Variants in XPO1 observed in about 807,000 individuals in gnomAD.
The protein encoded by XPO1 is exportin 1, also known as exportin-1.
XPO1 carries 5 observed loss-of-function variants against 133.3 expected under a neutral mutation model. The observed-to-expected ratio is 0.04, with a 90% CI of 0.02 to 0.08. The LOEUF is 0.08. Among genes scored for constraint, XPO1 ranks in the 10% least tolerant of loss-of-function variants. The probability of loss-of-function intolerance (pLI) is 1.00; values close to 1 mark genes in which losing one functional copy is unlikely to be tolerated. For missense variants in XPO1, 506 were observed against 1,267.5 expected (o/e 0.40, Z 9.12); for synonymous variants, 419 against 408.2 (o/e 1.03, Z -0.32).
chr2:61,537,210 T>G (rs1052317154), intron 1 of XPO1: 4 of 151,860 alleles, frequency 2.6e-5, no homozygotes, highest in Non-Finnish European at 5.9e-5. Context: ...GAGATGTTCC[T>G]GAAATCACCC....
chr2:61,523,376 T>C (rs1698779770), intron 3 of XPO1, among the ~76,000 whole-genome samples: 1 of 152,212 alleles, frequency 6.6e-6, no homozygotes, highest in African/African-American at 2.4e-5. Context: ...TAACTAAAAG[T>C]ATAAAAAATT....
At chr2:61,513,564 A>T (rs112146836) in intron 4 of XPO1, among the ~76,000 whole-genome samples, 2 of 150,322 alleles carry the variant, frequency 1.3e-5, no homozygotes, top group African/African-American at 4.9e-5. Flanking sequence ...ACCTCAAGAG[A>T]TCTGCCTGCC....
chr2:61,508,081 A>C (rs1697914766), intron 4 of XPO1, among the ~76,000 whole-genome samples: 1 of 151,838 alleles, frequency 6.6e-6, no homozygotes, highest in Non-Finnish European at 1.5e-5. Flanking sequence ...TTGGTAGGTC[A>C]GGTTGGGCAT....
intron 23 of XPO1, among the ~76,000 whole-genome samples, chr2:61,482,053 T>TTTTTTTTTTTTC (rs1696397504): frequency 7.1e-6 from 1 of 139,882 alleles, no homozygotes; most frequent in Non-Finnish European, 1.6e-5. Context: ...TTTTTTTTTT[T>TTTTTTTTTTTTC]TTTTGCTTTT....
At chr2:61,503,546 T>C (rs1300440467) in intron 4 of XPO1, among the ~76,000 whole-genome samples, 5 of 152,120 alleles carry the variant, frequency 3.3e-5, no homozygotes, top group African/African-American at 1.2e-4. Flanking sequence ...TGCCTCAGCC[T>C]CCCAAGTAGC....
chr2:61,509,004 T>C (rs1020600969), intron 4 of XPO1, among the ~76,000 whole-genome samples: 2 of 152,130 alleles, frequency 1.3e-5, no homozygotes, highest in East Asian at 3.9e-4. Flanking sequence ...ATCTGCAAGA[T>C]TGACTGACTG....
chr2:61,519,125 AT>A (rs1698558617), intron 4 of XPO1, among the ~76,000 whole-genome samples: 1 of 151,830 alleles, frequency 6.6e-6, no homozygotes, highest in Admixed American at 6.6e-5. Context: ...TAATTTTTGT[AT>A]TTTTAGTAGA....
At chr2:61,532,732 C>T (rs1699211567) in intron 2 of XPO1, among the ~76,000 whole-genome samples, 1 of 150,916 alleles carries the variant, frequency 6.6e-6, no homozygotes, top group Admixed American at 6.6e-5. Flanking sequence ...ACTCGGGAGG[C>T]TAAGGCAGGT....
Position 61,478,539 on chromosome 2 carries a change from C to T in XPO1, c.*281G>A, listed in dbSNP as rs1423457612. 6 of 351,606 alleles carry T rather than the reference C, an allele frequency of 1.7e-5. No homozygotes were observed. Among genetic ancestry groups the T allele is most frequent in the Non-Finnish European group, 3.1e-5 (6 of 196,344 alleles). The allele number at this position is 351,606 out of a possible 1,614,324, so 21.8% of individuals were successfully genotyped here. A position where few individuals can be genotyped will look rare whatever the true frequency, so the allele number is the denominator to read the frequency against. ...GTATATGTTCAAATCGAATTTGCCT[C>T]CTCCCCCCAGCCCAGCCACAAAAAT... On this transcript the variant is annotated 3_prime_UTR_variant, in exon 25 of 25. Transcript: ENST00000401558.
chr2:61,507,599 C>T (rs1265291393), intron 4 of XPO1, among the ~76,000 whole-genome samples: 1 of 151,888 alleles, frequency 6.6e-6, no homozygotes, highest in Non-Finnish European at 1.5e-5. Context: ...ACAAGGCAGC[C>T]GGGCACAGTG....
At chr2:61,516,036 G>A (rs1698370795) in intron 4 of XPO1, among the ~76,000 whole-genome samples, 1 of 150,384 alleles carries the variant, frequency 6.6e-6, no homozygotes, top group Non-Finnish European at 1.5e-5. Context: ...TGAGGCAGAA[G>A]AATGGTGTGA....
At chr2:61,480,888 G>T (rs1447367831) in intron 24 of XPO1, among the ~76,000 whole-genome samples, 1 of 151,866 alleles carries the variant, frequency 6.6e-6, no homozygotes, top group African/African-American at 2.4e-5. Context: ...ATTATAAAAA[G>T]AACTACCAAC....
chr2:61,529,462 C>T (rs1294848083), intron 2 of XPO1, among the ~76,000 whole-genome samples: 1 of 152,232 alleles, frequency 6.6e-6, no homozygotes, highest in East Asian at 1.9e-4. Context: ...TCAAGACCAG[C>T]CTGGCCAACA....
rs549550178 is a variant in XPO1 at position 61,497,097 on chromosome 2, C to G, written c.760-90G>C. 14 of 1,472,298 alleles carry G rather than the reference C, an allele frequency of 9.5e-6. No individual in the cohort carries two copies. The South Asian group carries it at 2.0e-4, about 21-fold the overall frequency. The allele number at this position is 1,472,298 out of a possible 1,614,324, so 91.2% of individuals were successfully genotyped here. A position where few individuals can be genotyped will look rare whatever the true frequency, so the allele number is the denominator to read the frequency against. ...ACAATTAAAAGGAAAAAGGCTTTAA[C>G]AATTAAATATAGGGGTAGATGTCAA... is the stretch of plus-strand genomic sequence containing the variant. On this transcript the variant is annotated intron_variant, in intron 9 of 24. Coordinates refer to ENST00000401558, the MANE Select transcript of XPO1 (RefSeq NM_003400.4).
intron 10 of XPO1, 148 bp downstream of exon 10, chr2:61,496,731 A>C: frequency 9.7e-7 from 1 of 1,031,858 alleles, no homozygotes; most frequent in Non-Finnish European, 1.3e-6. Context: ...AACATCATAA[A>C]AATTTGTAGC....
At chr2:61,533,637 T>C (rs1014080898) in intron 2 of XPO1, 135 bp downstream of exon 2, 16 of 1,075,252 alleles carry the variant, frequency 1.5e-5, no homozygotes, top group Non-Finnish European at 1.8e-5. Flanking sequence ...ATTTTCATTA[T>C]GGTTAATACA....
chr2:61,482,354 C>G lies in XPO1; in HGVS notation c.2972+26G>C, dbSNP rs116863466. 1.5e-3 allele frequency: 2,423 copies of G among 1,575,182 alleles called. 66 individuals are homozygous for G. In the East Asian group the frequency reaches 0.047, roughly 30 times the overall value. Reference sequence around the variant, plus strand: ...GCCACTGTGCCCGACCAGGAACATTCTACGTTTATTAAAAGGTATATTTAC... The same window carrying G: ...GCCACTGTGCCCGACCAGGAACATTGTACGTTTATTAAAAGGTATATTTAC... On this transcript the variant is annotated intron_variant, in intron 23 of 24. Coordinates refer to ENST00000401558, the MANE Select transcript of XPO1 (RefSeq NM_003400.4).
intron 17 of XPO1, among the ~76,000 whole-genome samples, chr2:61,490,342 G>T (rs1285678472): frequency 6.6e-6 from 1 of 152,038 alleles, no homozygotes; most frequent in Non-Finnish European, 1.5e-5. Flanking sequence ...GGGATTACAG[G>T]CATGTGCAAC....
At chr2:61,523,097 AC>A (rs1698767233) in intron 3 of XPO1, among the ~76,000 whole-genome samples, 1 of 152,194 alleles carries the variant, frequency 6.6e-6, no homozygotes, top group Non-Finnish European at 1.5e-5. Context: ...CAAGCTTCCT[AC>A]CATCCTCTAG....
Sources: allele counts gnomAD v4.1 joint callset (sites outside exome capture counted in the v4.1 genomes callset), GRCh38; gene constraint gnomAD v4.1.1; transcripts MANE v1.5; gene names NCBI Gene and HGNC (gene_info 2026-07-23, HGNC 2026-07-21).